The following TMEM164 variants were observed in gnomAD, a reference collection of about 807,000 sequenced individuals.
TMEM164 encodes RP13-360B22.2.
In TMEM164, 4 loss-of-function variants were observed where a neutral mutation model predicts 18.8. The ratio of observed to expected loss-of-function variants is 0.21; its 90% confidence interval spans 0.10 to 0.49. The LOEUF (loss-of-function observed/expected upper bound fraction) is 0.49, where lower values mean the gene tolerates loss of function less well. Among genes scored for constraint, TMEM164 ranks in the 20% least tolerant of loss-of-function variants. The probability of loss-of-function intolerance (pLI) is 0.98; values close to 1 mark genes in which losing one functional copy is unlikely to be tolerated. For missense variants in TMEM164, 108 were observed against 239.9 expected, an observed-to-expected ratio of 0.45 and a Z score of 3.63; for synonymous variants, 86 against 101.7, an observed-to-expected ratio of 0.85 and a Z score of 0.93.
intron 2 of TMEM164, among the ~76,000 whole-genome samples, chrX:110,005,556 A>G (rs1473716000): frequency 8.9e-6 from 1 of 111,732 alleles, no homozygotes; most frequent in Non-Finnish European, 1.9e-5. Flanking sequence ...ATATGGTAAG[A>G]AGGTATGGAT....
At chrX:110,052,113 T>C (rs912580490) in intron 2 of TMEM164, among the ~76,000 whole-genome samples, 2 of 111,117 alleles carry the variant, frequency 1.8e-5, no homozygotes, top group Non-Finnish European at 3.8e-5. Flanking sequence ...TAGCCATCAG[T>C]CCATGTTAGT....
intron 4 of TMEM164, among the ~76,000 whole-genome samples, chrX:110,142,241 G>C (rs1464180011): frequency 8.9e-6 from 1 of 112,033 alleles, no homozygotes; most frequent in African/African-American, 3.2e-5. Flanking sequence ...GAAGGGACTG[G>C]GCTAAATCAC....
intron 3 of TMEM164, among the ~76,000 whole-genome samples, chrX:110,094,515 G>C (rs2065983152): frequency 9.0e-6 from 1 of 111,027 alleles, no homozygotes; most frequent in South Asian, 3.7e-4. Context: ...CCCTGCTTTT[G>C]TTTTCTATTT....
chrX:110,160,826 C>T (rs1289408256), intron 5 of TMEM164, among the ~76,000 whole-genome samples: 3 of 111,915 alleles, frequency 2.7e-5, no homozygotes, highest in Non-Finnish European at 5.6e-5. Context: ...CTGCAACCTC[C>T]ACCTCCTGGG....
At chrX:110,138,908 G>A (rs1478585073) in intron 4 of TMEM164, among the ~76,000 whole-genome samples, 1 of 111,994 alleles carries the variant, frequency 8.9e-6, no homozygotes, top group Admixed American at 9.5e-5. Flanking sequence ...TAGAAACATG[G>A]AGGTCATTGG....
At chrX:110,145,403 G>A (rs1469390989) in intron 5 of TMEM164, among the ~76,000 whole-genome samples, 2 of 111,520 alleles carry the variant, frequency 1.8e-5, no homozygotes, top group Non-Finnish European at 3.8e-5. Context: ...GGTGAAGAGG[G>A]AGAGACCACC....
chrX:110,120,752 C>G (rs754378625), intron 4 of TMEM164, among the ~76,000 whole-genome samples: 28 of 112,092 alleles, frequency 2.5e-4, no homozygotes, highest in African/African-American at 9.1e-4. Flanking sequence ...CCTATCTCCA[C>G]CCTCCCCAGC....
At chrX:110,062,986 A>G (rs1009452619) in intron 2 of TMEM164, among the ~76,000 whole-genome samples, 24 of 111,591 alleles carry the variant, frequency 2.2e-4, no homozygotes, top group African/African-American at 6.2e-4. Flanking sequence ...GCCCAAGGGT[A>G]TGAAGTAGAT....
chrX:110,135,436 G>A (rs2066676724), intron 4 of TMEM164, among the ~76,000 whole-genome samples: 1 of 111,333 alleles, frequency 9.0e-6, no homozygotes, highest in Admixed American at 9.6e-5. Flanking sequence ...AAATAATGCT[G>A]CAGTGAACAT....
intron 2 of TMEM164, among the ~76,000 whole-genome samples, chrX:110,064,558 T>C (rs746403182): frequency 8.9e-6 from 1 of 111,903 alleles, no homozygotes; most frequent in Non-Finnish European, 1.9e-5. Context: ...ATGAGTTTTC[T>C]GGAAATGCAA....
chrX:110,069,775 C>T (rs897920517), intron 3 of TMEM164, among the ~76,000 whole-genome samples: 1 of 110,108 alleles, frequency 9.1e-6, no homozygotes, highest in Non-Finnish European at 1.9e-5. Context: ...TTTTTATATC[C>T]AAATATGACT....
At chrX:110,147,225 C>A (rs915994039) in intron 5 of TMEM164, among the ~76,000 whole-genome samples, 1 of 112,092 alleles carries the variant, frequency 8.9e-6, no homozygotes, top group East Asian at 2.8e-4. Flanking sequence ...TCCTTTCCTT[C>A]AAACTTGTTG....
At chrX:110,089,903 G>C (rs915725581) in intron 3 of TMEM164, among the ~76,000 whole-genome samples, 3 of 112,090 alleles carry the variant, frequency 2.7e-5, no homozygotes, top group African/African-American at 9.7e-5. Flanking sequence ...CATATACCAG[G>C]AACTCAATAA....
chrX:110,090,279 ACTTG>A (rs1394008651), intron 3 of TMEM164, among the ~76,000 whole-genome samples: 4 of 104,356 alleles, frequency 3.8e-5, no homozygotes, highest in African/African-American at 1.4e-4. Context: ...TTTTTTCTTT[ACTTG>A]CTTGTTTTTT....
At chrX:110,062,837 T>G (rs1334920298) in intron 2 of TMEM164, among the ~76,000 whole-genome samples, 1 of 110,943 alleles carries the variant, frequency 9.0e-6, no homozygotes, top group Non-Finnish European at 1.9e-5. Context: ...GCTTTTTTGG[T>G]AGGTAGTGGC....
intron 2 of TMEM164, among the ~76,000 whole-genome samples, chrX:110,019,488 A>G (rs911092651): frequency 1.8e-5 from 2 of 110,610 alleles, no homozygotes; most frequent in Non-Finnish European, 3.8e-5. Flanking sequence ...TCTATCCTTT[A>G]CTCTATCTAC....
chrX:110,018,439 G>A (rs535419305), intron 2 of TMEM164, among the ~76,000 whole-genome samples: 7 of 112,127 alleles, frequency 6.2e-5, no homozygotes, highest in African/African-American at 2.3e-4. Context: ...GAAATAGAGT[G>A]TGGTAGTTAA....
intron 2 of TMEM164, among the ~76,000 whole-genome samples, chrX:110,033,687 G>A (rs1433050227): frequency 2.7e-5 from 3 of 111,165 alleles, no homozygotes; most frequent in Non-Finnish European, 5.7e-5. Context: ...CTTCTTCATC[G>A]GGTTCTGAGG....
intron 5 of TMEM164, among the ~76,000 whole-genome samples, chrX:110,156,491 G>A (rs2067017787): frequency 9.0e-6 from 1 of 111,100 alleles, no homozygotes; most frequent in South Asian, 3.9e-4. Flanking sequence ...AAATCCGTGA[G>A]GCCCCTGAAT....
Sources: allele counts gnomAD v4.1 joint callset (sites outside exome capture counted in the v4.1 genomes callset), GRCh38; gene constraint gnomAD v4.1.1; transcripts MANE v1.5; gene names NCBI Gene and HGNC (gene_info 2026-07-23, HGNC 2026-07-21).